Variants in LINGO2 observed in about 807,000 individuals in gnomAD.
LINGO2 encodes the protein leucine-rich repeat and immunoglobulin-like domain-containing nogo receptor-interacting protein 2.
A neutral mutation model predicts 30.6 loss-of-function variants in LINGO2; 14 were observed. The ratio of observed to expected loss-of-function variants is 0.46; its 90% confidence interval spans 0.30 to 0.72. The LOEUF is 0.72. Ranked by LOEUF, LINGO2 falls within the 30% of genes least tolerant of loss-of-function variation. The pLI is 0.07. For missense variants in LINGO2, 729 were observed against 751.7 expected, an observed-to-expected ratio of 0.97 and a Z score of 0.35; for synonymous variants, 317 against 288.5, an observed-to-expected ratio of 1.10 and a Z score of -1.00.
chr9:29,171,797 G>A, the LINGO2 span, among the ~76,000 whole-genome samples: 3 of 151,662 alleles, frequency 2.0e-5, no homozygotes, highest in African/African-American at 7.3e-5. Context: ...TTATATAATT[G>A]ATAGAAAAGT....
chr9:29,211,150 C>T, the LINGO2 span, among the ~76,000 whole-genome samples: 4 of 152,034 alleles, frequency 2.6e-5, no homozygotes, highest in African/African-American at 9.7e-5. Flanking sequence ...TTTCCAAGAC[C>T]CTGAAACTGC....
intron 4 of LINGO2, among the ~76,000 whole-genome samples, chr9:28,095,152 T>C (rs1438812682): frequency 6.6e-6 from 1 of 152,138 alleles, no homozygotes; most frequent in Non-Finnish European, 1.5e-5. Context: ...ACCTTCAGTG[T>C]GACTCCCAAA....
chr9:28,189,281 G>GGA (rs1819668390), intron 4 of LINGO2, among the ~76,000 whole-genome samples: 5 of 31,524 alleles, frequency 1.6e-4, no homozygotes, highest in Non-Finnish European at 2.9e-4. Flanking sequence ...GGAAGGGAGG[G>GGA]AGGGAGGGAG....
chr9:29,042,930 G>C, the LINGO2 span, among the ~76,000 whole-genome samples: 5 of 151,776 alleles, frequency 3.3e-5, no homozygotes, highest in Non-Finnish European at 7.4e-5. Context: ...ATGCAATCAG[G>C]GTGTCAGGGT....
In LINGO2 at chr9:28,148,852, T is replaced by C; in HGVS notation, c.-86-136447A>G. The C allele has an allele frequency of 1.3e-6, 2 of 1,533,734 alleles. No homozygotes were observed. The highest frequency in any genetic ancestry group is 2.7e-5 in the African/African-American group (2 of 73,086). ...TGGGTAAAGACCACCTGCCCAGCTC[T>C]CCAGGCTTGCTGATGGTGGGGGAGG... On this transcript the variant is annotated intron_variant, in intron 4 of 5. Coordinates refer to ENST00000379992, the Ensembl canonical transcript of LINGO2. This position sits in a 1 kb window ranked among gnomAD's most constrained non-coding sequence, Gnocchi z 5.1.
At chr9:28,973,037 G>A in the LINGO2 span, among the ~76,000 whole-genome samples, 1 of 152,114 alleles carries the variant, frequency 6.6e-6, no homozygotes, top group Non-Finnish European at 1.5e-5. Flanking sequence ...CCTATAAGAT[G>A]TAGGAAATAG....
At chr9:28,876,646 A>G in the LINGO2 span, among the ~76,000 whole-genome samples, 1 of 152,104 alleles carries the variant, frequency 6.6e-6, no homozygotes, top group Admixed American at 6.6e-5. Flanking sequence ...AATCCAGTCT[A>G]TCGTTGCTGG....
chr9:29,161,208 C>T, the LINGO2 span, among the ~76,000 whole-genome samples: 2 of 152,204 alleles, frequency 1.3e-5, no homozygotes, highest in Non-Finnish European at 2.9e-5. Context: ...CGCAGAGCCA[C>T]AGCAAACAGC....
At chr9:28,484,347 A>G (rs991481551) in intron 1 of LINGO2, among the ~76,000 whole-genome samples, 1 of 152,096 alleles carries the variant, frequency 6.6e-6, no homozygotes, top group African/African-American at 2.4e-5. Flanking sequence ...CTGTTTATAT[A>G]GAGTGGAAGG....
chr9:27,959,318 CTT>C (rs753451169), intron 5 of LINGO2, among the ~76,000 whole-genome samples: 5 of 151,968 alleles, frequency 3.3e-5, no homozygotes, highest in Non-Finnish European at 7.4e-5. Context: ...TCAGTCCAGT[CTT>C]TTAATTCATT....
chr9:28,037,775 C>T (rs908771657), intron 4 of LINGO2, among the ~76,000 whole-genome samples: 1 of 152,148 alleles, frequency 6.6e-6, no homozygotes, highest in Admixed American at 6.5e-5. Flanking sequence ...AATGTGGTTG[C>T]CTTTAGTTCT....
chr9:28,255,440 A>G (rs1408705326), intron 4 of LINGO2, among the ~76,000 whole-genome samples: 1 of 152,106 alleles, frequency 6.6e-6, no homozygotes, highest in Non-Finnish European at 1.5e-5. Context: ...ACTATTTATT[A>G]GCTGAATATC....
chr9:28,820,726 T>G, the LINGO2 span, among the ~76,000 whole-genome samples: 3 of 152,070 alleles, frequency 2.0e-5, no homozygotes, highest in Admixed American at 1.3e-4. Flanking sequence ...AGGCACAGAG[T>G]GGGCACAGAA....
intron 1 of LINGO2, among the ~76,000 whole-genome samples, chr9:28,555,812 C>T (rs1296422129): frequency 6.6e-6 from 1 of 152,024 alleles, no homozygotes; most frequent in Admixed American, 6.6e-5. Flanking sequence ...ATCAAGTGGG[C>T]TTCATCCCTG....
At chr9:28,220,575 T>C (rs563843332) in intron 4 of LINGO2, among the ~76,000 whole-genome samples, 20 of 152,304 alleles carry the variant, frequency 1.3e-4, no homozygotes, top group Middle Eastern at 3.4e-3. Flanking sequence ...GAGTTGAACT[T>C]TTCAGATTTT....
the LINGO2 span, among the ~76,000 whole-genome samples, chr9:28,978,698 A>G: frequency 6.6e-6 from 1 of 152,228 alleles, no homozygotes; most frequent in East Asian, 1.9e-4. Context: ...TTCTTTCTCC[A>G]AAGCTTTTCT....
At chr9:28,100,931 A>G (rs947419853) in intron 4 of LINGO2, among the ~76,000 whole-genome samples, 7 of 152,116 alleles carry the variant, frequency 4.6e-5, no homozygotes, top group African/African-American at 1.7e-4. Flanking sequence ...TGTATTTTAG[A>G]GGGTCATTGC....
chr9:28,064,573 G>A (rs1358628058), intron 4 of LINGO2, among the ~76,000 whole-genome samples: 1 of 152,140 alleles, frequency 6.6e-6, no homozygotes, highest in Non-Finnish European at 1.5e-5. Context: ...CTATCTGTTA[G>A]TAATATCTGG....
the LINGO2 span, among the ~76,000 whole-genome samples, chr9:28,893,510 C>T: frequency 2.0e-5 from 3 of 151,912 alleles, no homozygotes; most frequent in Non-Finnish European, 4.4e-5. Flanking sequence ...ATCAGAAAGG[C>T]AATTTGCACC....
Sources: gnomAD v4.1 joint callset for allele counts (sites outside exome capture counted in the v4.1 genomes callset) on GRCh38, gnomAD v4.1.1 for gene constraint, Gnocchi (gnomAD v3.1) non-coding constraint, MANE v1.5 for transcripts, NCBI Gene and HGNC (gene_info 2026-07-23, HGNC 2026-07-21) for gene names.